Variants in ROBO2 observed in about 807,000 individuals in gnomAD.
ROBO2 encodes the protein roundabout guidance receptor 2.
A neutral mutation model predicts 160.8 loss-of-function variants in ROBO2; 53 were observed. The observed-to-expected ratio is 0.33, with a 90% CI of 0.26 to 0.41. The LOEUF (loss-of-function observed/expected upper bound fraction) is 0.41. Ranked by LOEUF, ROBO2 falls within the 10% of genes least tolerant of loss-of-function variation. The pLI is 1.00. For missense variants in ROBO2, 1,577 were observed against 1,722.4 expected (o/e 0.92, Z 1.49); for synonymous variants, 664 against 611.7 (o/e 1.09, Z -1.26).
intron 2 of ROBO2, among the ~76,000 whole-genome samples, chr3:76,283,309 T>C (rs541346179): frequency 6.6e-6 from 1 of 151,290 alleles, no homozygotes; most frequent in East Asian, 2.0e-4. Flanking sequence ...CTTACCCACC[T>C]ATTTAAAGTT....
At chr3:75,915,870 C>T (rs1374745315) in intron 1 of ROBO2, among the ~76,000 whole-genome samples, 2 of 152,144 alleles carry the variant, frequency 1.3e-5, no homozygotes, top group Admixed American at 6.6e-5. Context: ...TAATTTCACA[C>T]ACTACATTAA....
chr3:77,000,861 T>C (rs1273097953), intron 2 of ROBO2, among the ~76,000 whole-genome samples: 1 of 152,228 alleles, frequency 6.6e-6, no homozygotes, highest in East Asian at 1.9e-4. Flanking sequence ...TGTTCACAGA[T>C]GCTACCTCAT....
Position 77,595,134 on chromosome 3 carries a change from T to C in ROBO2, c.2684-8T>C. Reference sequence around the variant, plus strand: ...TGTGCATGTCTTCCTTTTTTTCTTTTTTCATAGTTACGTTTCAAAGAGGAG... The same window carrying C: ...TGTGCATGTCTTCCTTTTTTTCTTTCTTCATAGTTACGTTTCAAAGAGGAG... On this transcript the variant is annotated splice_region_variant and splice_polypyrimidine_tract_variant and intron_variant, in intron 17 of 25. Transcript: ENST00000461745. 6.2e-7 allele frequency: 1 copy of C among 1,609,868 alleles called. No homozygotes were observed. Among genetic ancestry groups the C allele is most frequent in the Non-Finnish European group, 8.5e-7 (1 of 1,176,396 alleles).
chr3:77,013,633 A>G (rs1322889101), intron 2 of ROBO2, among the ~76,000 whole-genome samples: 1 of 151,682 alleles, frequency 6.6e-6, no homozygotes, highest in Non-Finnish European at 1.5e-5. Context: ...TGGTATGTCT[A>G]TATCCCCAGT....
intron 1 of ROBO2, among the ~76,000 whole-genome samples, chr3:77,050,657 A>AT (rs59318050): frequency 0.16 from 22,408 of 140,790 alleles, 1,871 homozygotes; most frequent in East Asian, 0.26. Flanking sequence ...GTCTCAAAAC[A>AT]TTTTTTTTTT....
intron 2 of ROBO2, among the ~76,000 whole-genome samples, chr3:76,910,450 G>C (rs12633633): frequency 1.7e-3 from 258 of 151,938 alleles, no homozygotes; most frequent in Middle Eastern, 0.014. Flanking sequence ...ATTGTTGGCC[G>C]CACATGGTGG....
At chr3:77,243,204 C>CAGAT (rs1246541495) in intron 2 of ROBO2, among the ~76,000 whole-genome samples, 6 of 152,010 alleles carry the variant, frequency 3.9e-5, no homozygotes, top group African/African-American at 1.2e-4. Context: ...GAATACATCT[C>CAGAT]AGATTGTACC....
intron 2 of ROBO2, among the ~76,000 whole-genome samples, chr3:77,458,996 A>G (rs1365620882): frequency 2.0e-5 from 3 of 152,128 alleles, no homozygotes; most frequent in Non-Finnish European, 4.4e-5. Context: ...TGAGTATTCA[A>G]TTGACCTTAT....
At chr3:75,934,023 T>C (rs1372594242) in intron 1 of ROBO2, among the ~76,000 whole-genome samples, 1 of 152,188 alleles carries the variant, frequency 6.6e-6, no homozygotes, top group Non-Finnish European at 1.5e-5. Flanking sequence ...CAGAGCTGTT[T>C]ACTCCAAAAC....
At chr3:76,478,502 C>T (rs187719292) in intron 2 of ROBO2, among the ~76,000 whole-genome samples, 20 of 151,936 alleles carry the variant, frequency 1.3e-4, no homozygotes, top group Admixed American at 1.2e-3. Flanking sequence ...GAAACTGGAT[C>T]GCTTCCTTAC....
intron 2 of ROBO2, among the ~76,000 whole-genome samples, chr3:76,895,536 G>A (rs2074701584): frequency 1.3e-5 from 2 of 152,124 alleles, no homozygotes; most frequent in African/African-American, 2.4e-5. Flanking sequence ...AAGTCTATAT[G>A]ATTAGAACCA....
chr3:76,225,648 A>G (rs1704237308), intron 2 of ROBO2, among the ~76,000 whole-genome samples: 1 of 152,142 alleles, frequency 6.6e-6, no homozygotes, highest in Non-Finnish European at 1.5e-5. Context: ...TGGGAGGTGG[A>G]GGTTGCAGTA....
intron 2 of ROBO2, among the ~76,000 whole-genome samples, chr3:76,561,371 C>A (rs1451012234): frequency 6.6e-6 from 1 of 151,964 alleles, no homozygotes; most frequent in Non-Finnish European, 1.5e-5. Flanking sequence ...TAATATTTTT[C>A]CTTAAATTGT....
intron 2 of ROBO2, among the ~76,000 whole-genome samples, chr3:76,655,660 GAAAA>G (rs566612444): frequency 2.4e-5 from 3 of 127,356 alleles, no homozygotes; most frequent in Non-Finnish European, 3.3e-5. Flanking sequence ...AGAGAAAGAA[GAAAA>G]AAAAGAAAGA....
intron 24 of ROBO2, among the ~76,000 whole-genome samples, chr3:77,639,642 G>A (rs2153721431): frequency 1.3e-5 from 2 of 152,322 alleles, no homozygotes; most frequent in East Asian, 1.9e-4. Flanking sequence ...AGAGAAACAA[G>A]ATAGAGTACG....
chr3:76,459,542 A>C (rs1318501315), intron 2 of ROBO2, among the ~76,000 whole-genome samples: 1 of 152,122 alleles, frequency 6.6e-6, no homozygotes, highest in Non-Finnish European at 1.5e-5. Flanking sequence ...GACTTTATTC[A>C]GCCTCAATGT....
chr3:76,911,648 G>A (rs2075997657), intron 2 of ROBO2, among the ~76,000 whole-genome samples: 1 of 152,100 alleles, frequency 6.6e-6, no homozygotes. Context: ...TCAGATACAT[G>A]CTATTACTAT....
At chr3:75,909,443 A>T (rs2106710865) in intron 1 of ROBO2, among the ~76,000 whole-genome samples, 1 of 152,330 alleles carries the variant, frequency 6.6e-6, no homozygotes, top group Admixed American at 6.5e-5. Flanking sequence ...TATTATATAC[A>T]TAAAATTGAT....
chr3:77,107,040 A>G (rs932002782), intron 2 of ROBO2, among the ~76,000 whole-genome samples: 1 of 152,204 alleles, frequency 6.6e-6, no homozygotes, highest in Non-Finnish European at 1.5e-5. Context: ...TTTTAGGAAA[A>G]TAAATTTATT....
Sources: allele counts gnomAD v4.1 joint callset (sites outside exome capture counted in the v4.1 genomes callset), GRCh38; gene constraint gnomAD v4.1.1; transcripts MANE v1.5; gene names NCBI Gene and HGNC (gene_info 2026-07-23, HGNC 2026-07-21).